Variants in HERC2 observed in about 807,000 individuals in gnomAD.
HERC2 encodes E3 ubiquitin-protein ligase HERC2.
Under a neutral mutation model 537.7 loss-of-function variants are expected in HERC2, and 102 were observed. The observed-to-expected ratio is 0.19, with a 90% CI of 0.16 to 0.22. The LOEUF is 0.22. HERC2 is among the 10% of genes least tolerant of loss of function. The probability of loss-of-function intolerance (pLI) is 1.00; values close to 1 mark genes in which losing one functional copy is unlikely to be tolerated. For missense variants in HERC2, 4,236 were observed against 6,198.2 expected, an observed-to-expected ratio of 0.68 and a Z score of 10.63; for synonymous variants, 2,224 against 2,466.2, an observed-to-expected ratio of 0.90 and a Z score of 2.91.
In HERC2 at chr15:28,285,388, C is replaced by T. The variant is rs369376814; in HGVS notation, c.323-5101G>A. ...AACAAATTAGAAGTCAACAAGAGAACAATTACAGGAAAATTGCCTAACTCT... is the reference window on the plus strand; with the variant it reads ...AACAAATTAGAAGTCAACAAGAGAATAATTACAGGAAAATTGCCTAACTCT... On this transcript the variant is annotated intron_variant, in intron 4 of 92. Coordinates refer to ENST00000261609, the MANE Select transcript of HERC2 (RefSeq NM_004667.6). Among the ~76,000 whole-genome samples, 15 of 152,230 alleles carry T rather than the reference C, an allele frequency of 9.9e-5. No individual in the cohort carries two copies. In the South Asian group the frequency reaches 2.5e-3, roughly 25 times the overall value.
chr15:28,149,245 A>G lies in HERC2; in HGVS notation c.10901-2901T>C, dbSNP rs540346071. Among the ~76,000 whole-genome samples the G allele has an allele frequency of 2.6e-5, 4 of 151,980 alleles. No homozygotes were observed. In the South Asian group the frequency reaches 8.3e-4, roughly 32 times the overall value. ...AGCTCCTAACTGAAAACATCACCGAAAATGGCCACACGAACACGTGTTCTA... is the reference window on the plus strand; with the variant it reads ...AGCTCCTAACTGAAAACATCACCGAGAATGGCCACACGAACACGTGTTCTA... On this transcript the variant is annotated intron_variant, in intron 70 of 92. Transcript: ENST00000261609.
intron 68 of HERC2, among the ~76,000 whole-genome samples, chr15:28,165,652 C>T (rs1370993698): frequency 1.3e-5 from 2 of 150,784 alleles, no homozygotes; most frequent in East Asian, 3.9e-4. Flanking sequence ...AAAAAAAATA[C>T]AAAAATTAGC....
At position 28,146,271 on chromosome 15, in the gene HERC2, C is replaced by T; in HGVS notation, c.10974G>A (p.Met3658Ile). 1 of 1,614,060 alleles carries T rather than the reference C, an allele frequency of 6.2e-7. No individual in the cohort carries two copies. The highest frequency in any genetic ancestry group is 8.5e-7 in the Non-Finnish European group (1 of 1,180,000). Residue 3658 changes from methionine (M) to isoleucine (I), a missense_variant, in exon 71 of 93, where the codon ATG (methionine) becomes ATA (isoleucine). This residue lies in a region of HERC2 where 356 missense variants were observed against 450.9 expected (regional missense o/e 0.79). Transcript: ENST00000261609. ...TERRHDPLTV[M>I]DGVNRIVSVR... ...CGGAGACGATCCTGTTGACGCCGTC[C>T]ATGACTGTGAGAGGGTCGTGGCGCC...
chr15:28,193,766 A>G (rs998723010), intron 52 of HERC2, among the ~76,000 whole-genome samples: 3 of 152,216 alleles, frequency 2.0e-5, no homozygotes, highest in African/African-American at 7.2e-5. Flanking sequence ...AATATAAACC[A>G]AATTGCAATG....
intron 2 of HERC2, among the ~76,000 whole-genome samples, chr15:28,319,721 T>C (rs2077182444): frequency 6.6e-6 from 1 of 151,888 alleles, no homozygotes; most frequent in Non-Finnish European, 1.5e-5. Context: ...TGTATGTTTA[T>C]CTGCCCAACC....
chr15:28,276,196 A>C (rs1439338510), intron 5 of HERC2, among the ~76,000 whole-genome samples: 22 of 127,116 alleles, frequency 1.7e-4, no homozygotes, highest in Non-Finnish European at 2.1e-4. Context: ...AAAAAACAAA[A>C]AAAAAAAAAA....
intron 2 of HERC2, among the ~76,000 whole-genome samples, chr15:28,310,023 A>G (rs2525942): frequency 6.6e-6 from 1 of 152,234 alleles, no homozygotes; most frequent in Non-Finnish European, 1.5e-5. Flanking sequence ...AGTGAGCCCT[A>G]GCCAGGTAGA....
chr15:28,247,043 G>T, intron 21 of HERC2, 146 bp from the exon 22 acceptor site: 1 of 690,756 alleles, frequency 1.4e-6, no homozygotes, highest in Non-Finnish European at 2.4e-6. Flanking sequence ...CCTTGTCCTT[G>T]CGCTCTTTCT....
intron 20 of HERC2, among the ~76,000 whole-genome samples, chr15:28,252,054 G>A (rs1013496833): frequency 1.3e-5 from 2 of 152,188 alleles, no homozygotes; most frequent in South Asian, 2.1e-4. Context: ...GACTCACATG[G>A]CCAAGTGATT....
At chr15:28,199,629 T>C (rs955428380) in intron 48 of HERC2, among the ~76,000 whole-genome samples, 3 of 152,196 alleles carry the variant, frequency 2.0e-5, no homozygotes, top group Non-Finnish European at 2.9e-5. Flanking sequence ...ATGACGCTAA[T>C]GCCTACTGGA....
At chr15:28,180,520 A>G (rs1346546453) in intron 57 of HERC2, among the ~76,000 whole-genome samples, 1 of 152,242 alleles carries the variant, frequency 6.6e-6, no homozygotes, top group African/African-American at 2.4e-5. Context: ...ACTTTAAACC[A>G]GAGTTGGGGG....
chr15:28,289,829 CGACACACCTCAGTGAGAGGAT>C (rs2076263272), intron 4 of HERC2, among the ~76,000 whole-genome samples: 1 of 152,088 alleles, frequency 6.6e-6, no homozygotes, highest in Admixed American at 6.5e-5. Flanking sequence ...AGTGAGAGGA[CGACACACCTCAGTGAGAGGAT>C]GACACGCCGC....
Position 28,113,266 on chromosome 15 carries a change from G to A in HERC2, c.14037C>T (p.Asp4679=), listed in dbSNP as rs1324608791. 6.2e-7 allele frequency: 1 copy of A among 1,614,074 alleles called. No homozygotes were observed. The highest frequency in any genetic ancestry group is 8.5e-7 in the Non-Finnish European group (1 of 1,180,008). The change falls in exon 92 of 93, where the codon GAC becomes GAT. Residue 4679 remains aspartate (D), a synonymous_variant. Coordinates refer to ENST00000261609, the MANE Select transcript of HERC2 (RefSeq NM_004667.6). The surrounding 1 kb of genome is among the most constrained non-coding windows in gnomAD (Gnocchi z 7.0). ...ELETMVCGSP[D]IPLHLLKSVA... is the part of the protein sequence containing the mutation. ...CCGACTTGAGAAGGTGCAGCGGGAT[G>A]TCAGGGCTGCCACACACCTGCGGGA...
rs1889060329 is a variant in HERC2 at position 28,122,723 on chromosome 15, G to A, written c.13189-1294C>T. Among the ~76,000 whole-genome samples the A allele has an allele frequency of 1.3e-5, 2 of 151,990 alleles. No individual in the cohort carries two copies. The highest frequency in any genetic ancestry group is 4.8e-5 in the African/African-American group (2 of 41,386). ...CCTCACCATAACCAGGACCAGAACCGAGGCTGCCTACACATTCCCTGACCA... is the reference window on the plus strand; with the variant it reads ...CCTCACCATAACCAGGACCAGAACCAAGGCTGCCTACACATTCCCTGACCA... On this transcript the variant is annotated intron_variant, in intron 85 of 92. Transcript: ENST00000261609. This position sits in a 1 kb window ranked among gnomAD's most constrained non-coding sequence, Gnocchi z 4.1.
At chr15:28,182,324 A>T in intron 57 of HERC2, 77 bp downstream of exon 57, 1 of 876,154 alleles carries the variant, frequency 1.1e-6, no homozygotes. Context: ...TAGAGAGTAA[A>T]GTTATTATAG....
rs1889327270 is a variant in HERC2, at chr15:28,125,037, T to C, written c.12959A>G (p.Lys4320Arg). ...SAHTLAWSTS[K>R]PASAGKLPAQ... ...AGGGAGTTTGCCAGCACTGGCGGGC[T>C]TGCTGGTCGACCAGGCGAGGGTATG... Residue 4320 changes from lysine to arginine, a missense_variant, in exon 84 of 93, where the codon AAG (lysine) becomes AGG (arginine). Physicochemically the swap from Lys to Arg is conservative, Grantham distance 26. Around this residue, in one of 27 missense-constraint regions of HERC2, gnomAD observed 189 missense variants for 255.7 expected, o/e 0.74. Coordinates refer to ENST00000261609, the MANE Select transcript of HERC2 (RefSeq NM_004667.6). 6.2e-7 allele frequency: 1 copy of C among 1,604,678 alleles called. No homozygotes were observed. Among genetic ancestry groups the C allele is most frequent in the South Asian group, 1.1e-5 (1 of 90,930 alleles).
intron 20 of HERC2, among the ~76,000 whole-genome samples, chr15:28,250,693 A>G (rs2075047390): frequency 2.0e-5 from 3 of 152,200 alleles, no homozygotes; most frequent in Non-Finnish European, 4.4e-5. Flanking sequence ...AATGTCTCCA[A>G]AAGTCTCTTA....
chr15:28,122,999 G>A lies in HERC2; in HGVS notation c.13188+1038C>T, dbSNP rs982230138. Among the ~76,000 whole-genome samples, 1 of 152,128 alleles carries A rather than the reference G, an allele frequency of 6.6e-6. No individual in the cohort carries two copies. Among genetic ancestry groups the A allele is most frequent in the Non-Finnish European group, 1.5e-5 (1 of 68,020 alleles). ...CACTTTGAAGGATTAAAAAAAGAAG[G>A]TAAAATTAATCGTTTGCTACTTTTT... On this transcript the variant is annotated intron_variant, in intron 85 of 92. Transcript: ENST00000261609. The surrounding 1 kb of genome is among the most constrained non-coding windows in gnomAD (Gnocchi z 4.1).
intron 83 of HERC2, among the ~76,000 whole-genome samples, chr15:28,128,578 G>A (rs192113572): frequency 1.1e-3 from 166 of 152,316 alleles, no homozygotes; most frequent in African/African-American, 3.7e-3. Context: ...AATGATTAAA[G>A]GGTGCATGCT....
Sources: allele counts gnomAD v4.1 joint callset (sites outside exome capture counted in the v4.1 genomes callset), GRCh38; gene constraint gnomAD v4.1.1; regional missense constraint gnomAD v4.1.1; non-coding constraint Gnocchi (gnomAD v3.1); transcripts MANE v1.5; gene names NCBI Gene and HGNC (gene_info 2026-07-23, HGNC 2026-07-21).